UTRN: variants seen among roughly 807,000 people sequenced by gnomAD.
UTRN encodes the protein dystrophin-related protein 1.
In UTRN, 283 loss-of-function variants were observed where a neutral mutation model predicts 463.9. The ratio of observed to expected loss-of-function variants is 0.61; its 90% CI spans 0.55 to 0.67. The LOEUF (loss-of-function observed/expected upper bound fraction) is 0.67, where lower values mean the gene tolerates loss of function less well. Among genes scored for constraint, UTRN ranks in the 30% least tolerant of loss-of-function variants. The probability of loss-of-function intolerance (pLI) is 0.00; values close to 1 mark genes in which losing one functional copy is unlikely to be tolerated. For synonymous variants in UTRN, 1,442 were observed against 1,431.5 expected (o/e 1.01, Z -0.17); for missense variants, 3,922 against 4,084.3 (o/e 0.96, Z 1.08).
intron 23 of UTRN, among the ~76,000 whole-genome samples, chr6:144,471,743 G>A (rs1186617499): frequency 2.6e-5 from 4 of 152,214 alleles, no homozygotes; most frequent in Non-Finnish European, 5.9e-5. Context: ...GAAGAGAGGA[G>A]GAAGCAGCTT....
intron 65 of UTRN, among the ~76,000 whole-genome samples, chr6:144,806,480 G>A: frequency 6.6e-6 from 1 of 152,038 alleles, no homozygotes; most frequent in Non-Finnish European, 1.5e-5. Flanking sequence ...ACAACTTTTT[G>A]TAAAATAACT....
At chr6:144,305,364 G>A (rs1056782460) in intron 2 of UTRN, among the ~76,000 whole-genome samples, 1 of 152,112 alleles carries the variant, frequency 6.6e-6, no homozygotes. Context: ...AATTTTTATG[G>A]AAATTATAAA....
intron 51 of UTRN, among the ~76,000 whole-genome samples, chr6:144,627,383 C>G (rs574357240): frequency 6.6e-6 from 1 of 152,048 alleles, no homozygotes; most frequent in South Asian, 2.1e-4. Flanking sequence ...ATATTGATAA[C>G]CCTTATCTTT....
intron 53 of UTRN, among the ~76,000 whole-genome samples, chr6:144,720,099 C>G (rs146847370): frequency 1.1e-4 from 17 of 152,262 alleles, no homozygotes; most frequent in South Asian, 2.1e-4. Context: ...TCTCTTAGAC[C>G]CTGTTTTCTT....
intron 73 of UTRN, among the ~76,000 whole-genome samples, chr6:144,843,803 T>A (rs1285498114): frequency 6.6e-6 from 1 of 152,240 alleles, no homozygotes; most frequent in African/African-American, 2.4e-5. Context: ...CTTTTAAATA[T>A]GTTTGTATGT....
At chr6:144,835,973 C>A in intron 70 of UTRN, 35 bp downstream of exon 70, 1 of 1,604,224 alleles carries the variant, frequency 6.2e-7, no homozygotes, top group South Asian at 1.1e-5. Flanking sequence ...ATATGTCATC[C>A]TTTCTTTTGT....
chr6:144,322,015 C>T (rs550131383), intron 2 of UTRN, among the ~76,000 whole-genome samples: 5 of 152,314 alleles, frequency 3.3e-5, no homozygotes, highest in South Asian at 4.1e-4. Flanking sequence ...CCACCCGCCT[C>T]GGCCTCCCAC....
intron 51 of UTRN, among the ~76,000 whole-genome samples, chr6:144,627,876 T>C: frequency 6.7e-6 from 1 of 148,650 alleles, no homozygotes; most frequent in East Asian, 2.1e-4. Context: ...CTCAGCTTAC[T>C]GCAACGTCCG....
intron 51 of UTRN, among the ~76,000 whole-genome samples, chr6:144,667,143 C>T (rs1780496851): frequency 1.3e-5 from 2 of 152,078 alleles, no homozygotes; most frequent in African/African-American, 2.4e-5. Context: ...CAGCCTTTGC[C>T]TCCAGGGCTC....
chr6:144,513,306 A>T (rs1380272641), intron 35 of UTRN, among the ~76,000 whole-genome samples: 1 of 152,244 alleles, frequency 6.6e-6, no homozygotes, highest in Non-Finnish European at 1.5e-5. Flanking sequence ...TAATCCCAGC[A>T]CTTTGGGAGG....
At chr6:144,538,569 C>T (rs1167934555) in intron 44 of UTRN, among the ~76,000 whole-genome samples, 2 of 150,686 alleles carry the variant, frequency 1.3e-5, no homozygotes, top group Non-Finnish European at 1.5e-5. Context: ...ACTCGGGAGG[C>T]TGAAGCAGGA....
chr6:144,322,681 A>G (rs1044754426), intron 2 of UTRN, among the ~76,000 whole-genome samples: 5 of 152,098 alleles, frequency 3.3e-5, no homozygotes, highest in Non-Finnish European at 7.4e-5. Context: ...GCTCACGCCT[A>G]TAATCCCAGC....
intron 9 of UTRN, 50 bp from the exon 10 acceptor site, chr6:144,435,885 C>T: frequency 6.3e-7 from 1 of 1,591,624 alleles, no homozygotes; most frequent in Non-Finnish European, 8.6e-7. Context: ...TTGCTGAACA[C>T]CTCTTGCTTT....
intron 50 of UTRN, among the ~76,000 whole-genome samples, chr6:144,566,254 T>C (rs753977463): frequency 2.6e-5 from 4 of 152,038 alleles, no homozygotes; most frequent in African/African-American, 4.8e-5. Flanking sequence ...CTAAGAGAAG[T>C]TGGAAGAGAG....
At chr6:144,437,193 A>T (rs1786649270) in intron 10 of UTRN, among the ~76,000 whole-genome samples, 1 of 152,026 alleles carries the variant, frequency 6.6e-6, no homozygotes, top group East Asian at 1.9e-4. Flanking sequence ...GGCCTAGGTG[A>T]TCCACCTGCC....
intron 51 of UTRN, among the ~76,000 whole-genome samples, chr6:144,629,575 C>G (rs1776300858): frequency 6.6e-6 from 1 of 152,202 alleles, no homozygotes; most frequent in African/African-American, 2.4e-5. Context: ...GATTCCATGT[C>G]CAGCAAGGAA....
At chr6:144,333,621 C>T (rs1462262756) in intron 2 of UTRN, among the ~76,000 whole-genome samples, 2 of 152,058 alleles carry the variant, frequency 1.3e-5, no homozygotes, top group African/African-American at 4.8e-5. Context: ...GGATCTTCTG[C>T]AGATGAGAAT....
chr6:144,286,947 G>A lies in UTRN; in HGVS notation c.-93+1126G>A, dbSNP rs1357758666. 1.3e-5 allele frequency among the ~76,000 whole-genome samples: 2 copies of A among 152,204 alleles called. No individual in the cohort carries two copies. Among genetic ancestry groups the A allele is most frequent in the Non-Finnish European group, 1.5e-5 (1 of 68,034 alleles). On this transcript the variant is annotated intron_variant, in intron 1 of 74. Coordinates refer to ENST00000367545, the MANE Select transcript of UTRN (RefSeq NM_007124.3). This position sits in a 1 kb window ranked among gnomAD's most constrained non-coding sequence, Gnocchi z 4.4. ...CAGTTCCCCCTGCCGCGGTTGGGAG[G>A]GTCAGTGCAGCGGTCGCCGCGGCCA...
At chr6:144,821,164 A>C (rs1291353508) in intron 66 of UTRN, 146 bp downstream of exon 66, 1 of 1,053,826 alleles carries the variant, frequency 9.5e-7, no homozygotes, top group Non-Finnish European at 1.3e-6. Flanking sequence ...TCACAACATG[A>C]ATTTTTACAA....
Sources: allele counts gnomAD v4.1 joint callset (sites outside exome capture counted in the v4.1 genomes callset), GRCh38; gene constraint gnomAD v4.1.1; non-coding constraint Gnocchi (gnomAD v3.1); transcripts MANE v1.5; gene names NCBI Gene and HGNC (gene_info 2026-07-23, HGNC 2026-07-21).